The following NBEA variants were observed in gnomAD, a reference collection of about 807,000 sequenced individuals.
The protein encoded by NBEA is lysosomal-trafficking regulator 2.
Under a neutral mutation model 343.4 loss-of-function variants are expected in NBEA, and 44 were observed. The ratio of observed to expected loss-of-function variants is 0.13; its 90% CI spans 0.10 to 0.16. NBEA has a LOEUF of 0.16. Ranked by LOEUF, NBEA falls within the 10% of genes least tolerant of loss-of-function variation. The pLI is 1.00. For missense variants in NBEA, 2,555 were observed against 3,631.3 expected (o/e 0.70, Z 7.62); for synonymous variants, 1,175 against 1,238.7 (o/e 0.95, Z 1.08).
intron 10 of NBEA, among the ~76,000 whole-genome samples, chr13:35,089,676 A>T (rs1359708425): frequency 1.5e-5 from 2 of 131,144 alleles, no homozygotes; most frequent in Non-Finnish European, 3.2e-5. Flanking sequence ...TCCAACAATG[A>T]TAGACTGGAT....
At chr13:35,662,518 C>T (rs1277688093) in intron 55 of NBEA, among the ~76,000 whole-genome samples, 2 of 152,176 alleles carry the variant, frequency 1.3e-5, no homozygotes, top group African/African-American at 2.4e-5. Context: ...GCTTTCCCGC[C>T]GCTGCAGGTT....
At chr13:35,457,275 A>G (rs1449251211) in intron 40 of NBEA, among the ~76,000 whole-genome samples, 2 of 152,166 alleles carry the variant, frequency 1.3e-5, no homozygotes, top group Non-Finnish European at 2.9e-5. Context: ...AGCATTATTG[A>G]GATGTAATTC....
intron 1 of NBEA, among the ~76,000 whole-genome samples, chr13:34,990,547 T>G (rs2060715718): frequency 6.6e-6 from 1 of 150,934 alleles, no homozygotes; most frequent in African/African-American, 2.4e-5. Flanking sequence ...TGAGGTTGTG[T>G]AGGGTAGCAG....
At chr13:34,957,709 A>G (rs141694780) in intron 1 of NBEA, among the ~76,000 whole-genome samples, 382 of 152,166 alleles carry the variant, frequency 2.5e-3, no homozygotes, top group Middle Eastern at 0.01. Flanking sequence ...ATTTTATATA[A>G]CATATAACTT....
intron 1 of NBEA, among the ~76,000 whole-genome samples, chr13:34,963,001 C>T (rs2059707593): frequency 6.6e-6 from 1 of 152,016 alleles, no homozygotes; most frequent in South Asian, 2.1e-4. Context: ...AACCTAGGCA[C>T]AGAGAAATTA....
intron 7 of NBEA, among the ~76,000 whole-genome samples, chr13:35,058,071 A>C (rs552114330): frequency 3.3e-5 from 5 of 152,144 alleles, no homozygotes; most frequent in Non-Finnish European, 7.4e-5. Context: ...GGGTGTAAGA[A>C]GTAGAGGCTG....
At chr13:35,617,413 G>A (rs2082783288) in intron 48 of NBEA, among the ~76,000 whole-genome samples, 1 of 152,200 alleles carries the variant, frequency 6.6e-6, no homozygotes, top group South Asian at 2.1e-4. Context: ...CACTTGAAAA[G>A]TGCTTATTGT....
chr13:35,060,773 GT>G (rs2063440034), intron 8 of NBEA, among the ~76,000 whole-genome samples: 1 of 151,526 alleles, frequency 6.6e-6, no homozygotes, highest in Non-Finnish European at 1.5e-5. Context: ...ATCAGATTGT[GT>G]TTTGACAGAA....
chr13:35,388,219 G>T (rs184776010), intron 38 of NBEA, among the ~76,000 whole-genome samples: 1 of 152,064 alleles, frequency 6.6e-6, no homozygotes, highest in Non-Finnish European at 1.5e-5. Flanking sequence ...TCATTTTGAC[G>T]ATAGGTGGAA....
chr13:35,350,869 C>A (rs1242205732), intron 37 of NBEA, among the ~76,000 whole-genome samples: 1 of 151,632 alleles, frequency 6.6e-6, no homozygotes, highest in African/African-American at 2.4e-5. Flanking sequence ...TCCCCCATAT[C>A]AGCCTATAAT....
chr13:35,075,037 A>G (rs1262249438), intron 10 of NBEA, among the ~76,000 whole-genome samples: 2 of 152,004 alleles, frequency 1.3e-5, no homozygotes, highest in Non-Finnish European at 2.9e-5. Flanking sequence ...TTTGCCAGTC[A>G]TGTATTTTAG....
At chr13:35,339,268 A>C (rs1422902452) in intron 36 of NBEA, among the ~76,000 whole-genome samples, 1 of 152,032 alleles carries the variant, frequency 6.6e-6, no homozygotes, top group Non-Finnish European at 1.5e-5. Context: ...CTACCAAAAA[A>C]AAAAGGATCT....
chr13:35,102,974 A>G (rs1034426430), intron 11 of NBEA, among the ~76,000 whole-genome samples: 2 of 151,794 alleles, frequency 1.3e-5, no homozygotes, highest in Non-Finnish European at 3.0e-5. Context: ...AATGCTTTTA[A>G]TAATTACACT....
intron 43 of NBEA, among the ~76,000 whole-genome samples, chr13:35,554,428 G>C (rs1035273534): frequency 2.0e-5 from 3 of 152,126 alleles, no homozygotes; most frequent in African/African-American, 7.2e-5. Flanking sequence ...TATTCCCTTA[G>C]GCTGTTCCTA....
chr13:35,538,694 G>A (rs533830253), intron 41 of NBEA, among the ~76,000 whole-genome samples: 9 of 152,310 alleles, frequency 5.9e-5, no homozygotes, highest in South Asian at 4.1e-4. Context: ...TAAACAGTGC[G>A]TCACATACCT....
intron 48 of NBEA, among the ~76,000 whole-genome samples, chr13:35,617,845 A>G (rs999803283): frequency 6.6e-6 from 1 of 152,244 alleles, no homozygotes; most frequent in Non-Finnish European, 1.5e-5. Flanking sequence ...AGTTATCTAC[A>G]TATGTTCATA....
At position 35,606,409 on chromosome 13, in the gene NBEA, A is replaced by AT; in HGVS notation, c.7297-12dup. ...TTTATAAAGTGGTTTAATATGCTTC[A>AT]TTTTTATTCCTGATAGGAACTAATT... On this transcript the variant is annotated splice_polypyrimidine_tract_variant and intron_variant, in intron 47 of 58. Coordinates refer to ENST00000379939, the MANE Select transcript of NBEA (RefSeq NM_001385012.1). The AT allele has an allele frequency of 4.3e-6, 6 of 1,395,536 alleles. No homozygotes were observed. Among genetic ancestry groups the AT allele is most frequent in the Non-Finnish European group, 5.7e-6 (6 of 1,057,632 alleles). 86.4% of individuals were successfully genotyped at this position (1,395,536 alleles called of 1,614,324 possible).
chr13:34,997,116 T>C (rs1039517368), intron 1 of NBEA, among the ~76,000 whole-genome samples: 7 of 152,200 alleles, frequency 4.6e-5, no homozygotes, highest in African/African-American at 1.7e-4. Context: ...CAGTTTATAC[T>C]GTTATTTCTA....
intron 38 of NBEA, among the ~76,000 whole-genome samples, chr13:35,408,188 A>G (rs1013527611): frequency 4.6e-5 from 7 of 152,110 alleles, no homozygotes; most frequent in African/African-American, 1.7e-4. Context: ...AGAATACAGA[A>G]CCCAGAAATA....
Sources: gnomAD v4.1 joint callset for allele counts (sites outside exome capture counted in the v4.1 genomes callset) on GRCh38, gnomAD v4.1.1 for gene constraint, MANE v1.5 for transcripts, NCBI Gene and HGNC (gene_info 2026-07-23, HGNC 2026-07-21) for gene names.